FER1L6: variants seen among roughly 807,000 people sequenced by gnomAD.
The protein encoded by FER1L6 is fer-1 like family member 6.
A neutral mutation model predicts 219.2 loss-of-function variants in FER1L6; 177 were observed. That is an observed-to-expected ratio of 0.81 (90% CI 0.71 to 0.91). The LOEUF (loss-of-function observed/expected upper bound fraction) is 0.91. Among genes scored for constraint, FER1L6 ranks in the 40% least tolerant of loss-of-function variants. The probability of loss-of-function intolerance (pLI) is 0.00; values close to 1 mark genes in which losing one functional copy is unlikely to be tolerated. For missense variants in FER1L6, 2,153 were observed against 2,259.9 expected (o/e 0.95, Z 0.96); for synonymous variants, 768 against 824.3 (o/e 0.93, Z 1.17).
intron 25 of FER1L6, among the ~76,000 whole-genome samples, chr8:124,064,036 G>A (rs990108555): frequency 2.0e-5 from 3 of 152,108 alleles, no homozygotes; most frequent in African/African-American, 7.2e-5. Context: ...CACAGAATCT[G>A]CACCCTAAAC....
At chr8:124,060,891 G>T (rs1430942330) in intron 24 of FER1L6, 182 bp downstream of exon 24, 1 of 642,640 alleles carries the variant, frequency 1.6e-6, no homozygotes. Context: ...TTCCAGTGTG[G>T]ATCATACAGC....
chr8:123,906,069 C>G (rs761374082), intron 1 of FER1L6, among the ~76,000 whole-genome samples: 2 of 152,210 alleles, frequency 1.3e-5, no homozygotes, highest in Non-Finnish European at 2.9e-5. Flanking sequence ...GTGATACCAC[C>G]TCTCCCATCA....
chr8:124,038,332 G>A (rs776748556), intron 19 of FER1L6, among the ~76,000 whole-genome samples: 16 of 152,154 alleles, frequency 1.1e-4, no homozygotes, highest in Non-Finnish European at 1.9e-4. Flanking sequence ...ATTGCTTTGC[G>A]TGCACATATT....
At chr8:123,985,354 G>C (rs1439757032) in intron 11 of FER1L6, 2 of 152,234 alleles carry the variant, frequency 1.3e-5, no homozygotes, top group African/African-American at 4.8e-5. Flanking sequence ...GCCCACCCTG[G>C]ATACATATGA....
intron 22 of FER1L6, 69 bp downstream of exon 22, chr8:124,049,825 T>C (rs1819923275): frequency 2.0e-6 from 3 of 1,492,832 alleles, no homozygotes; most frequent in African/African-American, 1.4e-5. Context: ...TCACCACAAA[T>C]GCCACTTCAA....
At chr8:123,942,052 T>C (rs1156678224) in intron 1 of FER1L6, among the ~76,000 whole-genome samples, 1 of 152,194 alleles carries the variant, frequency 6.6e-6, no homozygotes, top group Non-Finnish European at 1.5e-5. Flanking sequence ...ACTCTGTCTG[T>C]GAACCCCTGA....
At chr8:123,923,941 GAAAAAAAAA>G (rs60137127) in intron 1 of FER1L6, among the ~76,000 whole-genome samples, 3 of 94,780 alleles carry the variant, frequency 3.2e-5, no homozygotes, top group South Asian at 3.8e-4. Context: ...CTCCAACTAA[GAAAAAAAAA>G]AAAAAAAAAA....
At chr8:123,916,619 G>A (rs1341275269) in intron 1 of FER1L6, among the ~76,000 whole-genome samples, 1 of 152,194 alleles carries the variant, frequency 6.6e-6, no homozygotes, top group Non-Finnish European at 1.5e-5. Flanking sequence ...AGTGAAGAGA[G>A]AACAAAATTT....
At chr8:124,095,570 C>G in intron 35 of FER1L6, among the ~76,000 whole-genome samples, 1 of 152,158 alleles carries the variant, frequency 6.6e-6, no homozygotes, top group Middle Eastern at 3.2e-3. Flanking sequence ...GAGAGCTGGG[C>G]TAGGAGTCAG....
intron 33 of FER1L6, among the ~76,000 whole-genome samples, chr8:124,085,340 T>C (rs982298538): frequency 2.0e-5 from 3 of 152,110 alleles, no homozygotes; most frequent in Non-Finnish European, 4.4e-5. Flanking sequence ...GTTTTTCTAC[T>C]TTTTTGATGT....
At chr8:123,997,164 C>T (rs1817172061) in intron 12 of FER1L6, among the ~76,000 whole-genome samples, 1 of 152,174 alleles carries the variant, frequency 6.6e-6, no homozygotes, top group Non-Finnish European at 1.5e-5. Context: ...AATTGAAAAA[C>T]TTCCTTTAGC....
chr8:124,034,364 G>A (rs1205128533), intron 18 of FER1L6, among the ~76,000 whole-genome samples: 1 of 152,062 alleles, frequency 6.6e-6, no homozygotes, highest in East Asian at 1.9e-4. Context: ...TGGTGACTGA[G>A]AAATAAAGGA....
At position 123,917,969 on chromosome 8, in the gene FER1L6, C is replaced by T. The variant is rs117718898; in HGVS notation, c.-7-38023C>T. The stretch of plus-strand genomic sequence containing the variant: ...GCATTTCTTGCATTTTCCCCTTGAA[C>T]TAATGAAGTTTGTGCTTAGGTCTTG... On this transcript the variant is annotated intron_variant, in intron 1 of 40. Transcript: ENST00000522917. Among the ~76,000 whole-genome samples the T allele has an allele frequency of 7.1e-3, 1,086 of 152,228 alleles. 7 individuals carry two copies. The highest frequency in any genetic ancestry group is 0.011 in the Non-Finnish European group (761 of 68,004).
chr8:124,090,686 T>C (rs1821992486), intron 33 of FER1L6, among the ~76,000 whole-genome samples: 1 of 152,204 alleles, frequency 6.6e-6, no homozygotes, highest in Non-Finnish European at 1.5e-5. Context: ...GGTCCTGGCT[T>C]GTAGGGAGTG....
intron 1 of FER1L6, among the ~76,000 whole-genome samples, chr8:123,890,625 A>ATTTTTT (rs59914385): frequency 0.22 from 20,071 of 91,134 alleles, 3,319 homozygotes; most frequent in Non-Finnish European, 0.29. Flanking sequence ...TAAAAATTTG[A>ATTTTTT]TTTTTTTTTT....
chr8:123,972,012 C>A (rs1815844360), intron 6 of FER1L6, among the ~76,000 whole-genome samples: 1 of 152,244 alleles, frequency 6.6e-6, no homozygotes, highest in African/African-American at 2.4e-5. Context: ...CCCACAGGGA[C>A]TCTCAACCTG....
chr8:123,935,064 T>A (rs1421054230), intron 1 of FER1L6, among the ~76,000 whole-genome samples: 2 of 152,200 alleles, frequency 1.3e-5, no homozygotes, highest in Non-Finnish European at 2.9e-5. Flanking sequence ...AAAGGACTAA[T>A]ACAGCCTTCA....
chr8:123,856,306 ATATGTATGTG>A (rs1187109956), intron 1 of FER1L6, among the ~76,000 whole-genome samples: 2 of 74,936 alleles, frequency 2.7e-5, no homozygotes, highest in Non-Finnish European at 5.2e-5. Flanking sequence ...ATATATATAT[ATATGTATGTG>A]TATATATATA....
intron 15 of FER1L6, 69 bp from the exon 16 acceptor site, chr8:124,017,559 C>T: frequency 8.1e-7 from 1 of 1,235,866 alleles, no homozygotes; most frequent in Non-Finnish European, 1.2e-6. Context: ...ACAATATTTG[C>T]AAACCTCTGG....
Sources: allele counts gnomAD v4.1 joint callset (sites outside exome capture counted in the v4.1 genomes callset), GRCh38; gene constraint gnomAD v4.1.1; transcripts MANE v1.5; gene names NCBI Gene and HGNC (gene_info 2026-07-23, HGNC 2026-07-21).